Variants in HYCC2 observed in about 807,000 individuals in gnomAD.
HYCC2 encodes the protein hyccin PI4KA lipid kinase complex subunit 2.
the HYCC2 span, among the ~76,000 whole-genome samples, chr2:201,004,563 G>A: frequency 3.3e-5 from 5 of 152,206 alleles, no homozygotes; most frequent in Non-Finnish European, 5.9e-5. Flanking sequence ...GCAGTCTCTG[G>A]AGGCCACAAA....
At chr2:201,070,736 G>C in the HYCC2 span, among the ~76,000 whole-genome samples, 1 of 152,058 alleles carries the variant, frequency 6.6e-6, no homozygotes, top group Non-Finnish European at 1.5e-5. Context: ...ATATCCTGGG[G>C]GGAGGAAGGG....
chr2:200,997,571 T>C, the HYCC2 span: 5 of 1,327,812 alleles, frequency 3.8e-6, no homozygotes, highest in East Asian at 1.2e-4. Context: ...GTTAAAAGGA[T>C]TACAAATAAT....
chr2:201,032,387 T>C, the HYCC2 span, among the ~76,000 whole-genome samples: 2 of 152,170 alleles, frequency 1.3e-5, no homozygotes, highest in Non-Finnish European at 2.9e-5. Context: ...TATTAGACTT[T>C]TGATAATAAA....
At chr2:200,983,724 A>G in the HYCC2 span, among the ~76,000 whole-genome samples, 1 of 152,224 alleles carries the variant, frequency 6.6e-6, no homozygotes, top group Non-Finnish European at 1.5e-5. Context: ...AAAATGCCCA[A>G]GAAAGGATAG....
At chr2:200,989,399 AAC>A in the HYCC2 span, among the ~76,000 whole-genome samples, 1 of 152,210 alleles carries the variant, frequency 6.6e-6, no homozygotes, top group Non-Finnish European at 1.5e-5. Context: ...GTTTTAATAT[AAC>A]TCTTAGGGTA....
At chr2:201,013,476 T>C in the HYCC2 span, among the ~76,000 whole-genome samples, 1 of 146,172 alleles carries the variant, frequency 6.8e-6, no homozygotes, top group Non-Finnish European at 1.5e-5. Flanking sequence ...CTGCACTCCA[T>C]TTCAAAAAAA....
the HYCC2 span, among the ~76,000 whole-genome samples, chr2:201,070,985 G>A: frequency 2.3e-4 from 35 of 151,968 alleles, no homozygotes; most frequent in Non-Finnish European, 3.1e-4. Context: ...ACCACCCTTC[G>A]CCTAGAGAAC....
the HYCC2 span, among the ~76,000 whole-genome samples, chr2:201,039,038 C>T: frequency 6.6e-6 from 1 of 152,008 alleles, no homozygotes; most frequent in Non-Finnish European, 1.5e-5. Flanking sequence ...GTCTTTGTAC[C>T]TGACACCTGG....
the HYCC2 span, among the ~76,000 whole-genome samples, chr2:200,992,656 A>T: frequency 6.6e-6 from 1 of 152,232 alleles, no homozygotes; most frequent in African/African-American, 2.4e-5. Flanking sequence ...CTATGTAGAG[A>T]TAGTTTTCCA....
the HYCC2 span, among the ~76,000 whole-genome samples, chr2:201,020,591 A>G: frequency 1.3e-5 from 2 of 152,150 alleles, no homozygotes; most frequent in East Asian, 1.9e-4. Flanking sequence ...GATGGAAGAG[A>G]GAAGGAATAA....
the HYCC2 span, among the ~76,000 whole-genome samples, chr2:201,026,997 A>C: frequency 2.2e-4 from 34 of 152,264 alleles, no homozygotes; most frequent in African/African-American, 8.2e-4. Flanking sequence ...GACACAAAAA[A>C]CCCTTCAAAA....
chr2:201,037,526 A>C, the HYCC2 span, among the ~76,000 whole-genome samples: 2 of 152,232 alleles, frequency 1.3e-5, no homozygotes, highest in African/African-American at 4.8e-5. Context: ...ACAGCATGGT[A>C]CTGGTACCAA....
At chr2:201,023,916 G>C in the HYCC2 span, 1 of 1,427,150 alleles carries the variant, frequency 7.0e-7, no homozygotes, top group Admixed American at 1.7e-5. Context: ...AATTACTGAT[G>C]TATAGAAAAA....
At chr2:201,024,039 T>G in the HYCC2 span, 2 of 1,572,398 alleles carry the variant, frequency 1.3e-6, no homozygotes, top group Non-Finnish European at 1.7e-6. Flanking sequence ...CTCTTTTATC[T>G]CTAAAAGAAA....
At chr2:201,032,811 T>G in the HYCC2 span, among the ~76,000 whole-genome samples, 1 of 152,118 alleles carries the variant, frequency 6.6e-6, no homozygotes, top group East Asian at 1.9e-4. Context: ...CGTGTGCCAC[T>G]ACGCCTGGCT....
chr2:201,035,546 A>G, the HYCC2 span, among the ~76,000 whole-genome samples: 4 of 152,118 alleles, frequency 2.6e-5, no homozygotes, highest in African/African-American at 9.7e-5. Context: ...CACGGGTTCG[A>G]ACTTCCTCCT....
chr2:201,063,741 A>G, the HYCC2 span: 1 of 1,586,286 alleles, frequency 6.3e-7, no homozygotes, highest in Non-Finnish European at 8.6e-7. Flanking sequence ...AACTTTGGTC[A>G]TGGAAGAAAC....
the HYCC2 span, chr2:201,009,106 A>G: frequency 7.1e-7 from 1 of 1,415,792 alleles, no homozygotes; most frequent in Non-Finnish European, 1.0e-6. Flanking sequence ...AATAAGGTAC[A>G]GTATGAGACA....
chr2:201,032,878 A>G, the HYCC2 span, among the ~76,000 whole-genome samples: 1 of 152,200 alleles, frequency 6.6e-6, no homozygotes, highest in East Asian at 1.9e-4. Context: ...TGCCCAGGCT[A>G]CAAAAACATT....
Sources: allele counts gnomAD v4.1 joint callset (sites outside exome capture counted in the v4.1 genomes callset), GRCh38; gene constraint gnomAD v4.1.1; transcripts MANE v1.5; gene names NCBI Gene and HGNC (gene_info 2026-07-23, HGNC 2026-07-21).